The following PTPRM variants were observed in gnomAD, a reference collection of about 807,000 sequenced individuals.
The protein encoded by PTPRM is protein tyrosine phosphatase receptor type M, also known as receptor-type tyrosine-protein phosphatase mu.
PTPRM carries 47 observed loss-of-function variants against 186.7 expected under a neutral mutation model. That is an observed-to-expected ratio of 0.25 (90% CI 0.20 to 0.32). The LOEUF (loss-of-function observed/expected upper bound fraction) is 0.32, where lower values mean the gene tolerates loss of function less well. Among genes scored for constraint, PTPRM ranks in the 10% least tolerant of loss-of-function variants. PTPRM has a pLI of 1.00. For missense variants in PTPRM, 1,494 were observed against 1,865.0 expected, an observed-to-expected ratio of 0.80 and a Z score of 3.66; for synonymous variants, 668 against 674.9, an observed-to-expected ratio of 0.99 and a Z score of 0.16.
intron 3 of PTPRM, among the ~76,000 whole-genome samples, chr18:7,889,333 C>CTTTCTT (rs1555633913): frequency 1.4e-4 from 17 of 119,806 alleles, no homozygotes; most frequent in African/African-American, 4.6e-4. Flanking sequence ...TCTTTTCTTT[C>CTTTCTT]TTTTTTTTTT....
chr18:7,935,223 G>A (rs1215341414), intron 5 of PTPRM, among the ~76,000 whole-genome samples: 1 of 152,098 alleles, frequency 6.6e-6, no homozygotes, highest in Non-Finnish European at 1.5e-5. Flanking sequence ...AATGCATAAA[G>A]GAGGACTGTC....
At chr18:8,099,913 C>T (rs1407085995) in intron 11 of PTPRM, among the ~76,000 whole-genome samples, 3 of 152,164 alleles carry the variant, frequency 2.0e-5, no homozygotes, top group East Asian at 1.9e-4. Flanking sequence ...TAAAGATACC[C>T]GAGACTCGGT....
At chr18:7,680,951 C>A (rs2039467064) in intron 1 of PTPRM, among the ~76,000 whole-genome samples, 1 of 152,074 alleles carries the variant, frequency 6.6e-6, no homozygotes. Flanking sequence ...TTCCCATATT[C>A]TCTGGCAGCT....
At chr18:8,328,986 C>T (rs566071401) in intron 22 of PTPRM, among the ~76,000 whole-genome samples, 2 of 152,256 alleles carry the variant, frequency 1.3e-5, no homozygotes, top group East Asian at 3.9e-4. Context: ...AAAAATAGAG[C>T]ATGTCAGGTA....
intron 8 of PTPRM, among the ~76,000 whole-genome samples, chr18:8,072,460 A>G (rs2089542892): frequency 6.6e-6 from 1 of 152,178 alleles, no homozygotes; most frequent in African/African-American, 2.4e-5. Flanking sequence ...TTTTCCTAGC[A>G]CACTAGCGTT....
chr18:7,795,763 A>G (rs1187587854), intron 2 of PTPRM, among the ~76,000 whole-genome samples: 1 of 151,016 alleles, frequency 6.6e-6, no homozygotes, highest in Non-Finnish European at 1.5e-5. Context: ...AGTTTTGTTC[A>G]CCAAGATATT....
chr18:7,709,203 T>C (rs2040159893), intron 1 of PTPRM, among the ~76,000 whole-genome samples: 1 of 152,162 alleles, frequency 6.6e-6, no homozygotes, highest in East Asian at 1.9e-4. Flanking sequence ...TGAAATCATA[T>C]CAATTATCTT....
intron 2 of PTPRM, among the ~76,000 whole-genome samples, chr18:7,854,489 AACTCC>A (rs1356848551): frequency 6.6e-6 from 1 of 152,156 alleles, no homozygotes; most frequent in Non-Finnish European, 1.5e-5. Context: ...TTTTACTTGA[AACTCC>A]ATTACAGATG....
At chr18:8,009,270 T>C (rs909534618) in intron 7 of PTPRM, among the ~76,000 whole-genome samples, 2 of 152,018 alleles carry the variant, frequency 1.3e-5, no homozygotes, top group Admixed American at 1.3e-4. Context: ...GGCTAAAAGA[T>C]GAAGCTTCTG....
intron 1 of PTPRM, among the ~76,000 whole-genome samples, chr18:7,759,468 C>G (rs2041666464): frequency 6.6e-6 from 1 of 152,222 alleles, no homozygotes; most frequent in African/African-American, 2.4e-5. Flanking sequence ...ACTCCCTACT[C>G]TCTTGGTATA....
intron 2 of PTPRM, among the ~76,000 whole-genome samples, chr18:7,818,714 ACTCT>A (rs1296518431): frequency 6.6e-6 from 1 of 152,054 alleles, no homozygotes; most frequent in Non-Finnish European, 1.5e-5. Context: ...TCAGTAAAAC[ACTCT>A]CTCTGCAGGT....
intron 3 of PTPRM, among the ~76,000 whole-genome samples, chr18:7,889,724 A>T (rs914620521): frequency 5.6e-4 from 73 of 130,992 alleles, no homozygotes; most frequent in African/African-American, 2.4e-3. Context: ...CCCTCTGCAA[A>T]TGGGTCTCAG....
At chr18:8,097,141 T>C (rs1386667470) in intron 11 of PTPRM, among the ~76,000 whole-genome samples, 3 of 152,230 alleles carry the variant, frequency 2.0e-5, no homozygotes, top group Admixed American at 6.5e-5. Context: ...AGAACACCAG[T>C]GTACACAAAA....
At chr18:8,253,040 T>C (rs113731295) in intron 18 of PTPRM, among the ~76,000 whole-genome samples, 187 bp from the exon 19 acceptor site, 27 of 152,332 alleles carry the variant, frequency 1.8e-4, no homozygotes, top group African/African-American at 5.5e-4. Context: ...TTTCTGCGCA[T>C]TCTTATCAGT....
At chr18:7,679,590 G>A (rs1220992836) in intron 1 of PTPRM, among the ~76,000 whole-genome samples, 5 of 152,142 alleles carry the variant, frequency 3.3e-5, no homozygotes, top group Admixed American at 2.0e-4. Flanking sequence ...ACTTGAACCC[G>A]GGAGGCAGAG....
chr18:8,296,438 A>G lies in PTPRM; in HGVS notation c.2825A>G (p.Tyr942Cys), dbSNP rs1260773767. 1 of 1,607,100 alleles carries G rather than the reference A, an allele frequency of 6.2e-7. No homozygotes were observed. The highest frequency in any genetic ancestry group is 8.5e-7 in the Non-Finnish European group (1 of 1,173,682). Residue 942 changes from tyrosine to cysteine, a missense_variant, in exon 20 of 33, where the codon TAC becomes TGC. Physicochemically the swap from Tyr to Cys is radical, Grantham distance 194. Coordinates refer to ENST00000580170, the MANE Select transcript of PTPRM (RefSeq NM_001105244.2). ...GATGAGAACAGAATGAAGAACAGAT[A>G]CGGGAATATCATTGCATGTAAGTGT... Reference protein sequence around the residue: ...KKDENRMKNRYGNIIAYDHSR... With the variant: ...KKDENRMKNRCGNIIAYDHSR...
At chr18:7,655,699 C>T (rs1454775095) in intron 1 of PTPRM, among the ~76,000 whole-genome samples, 2 of 152,076 alleles carry the variant, frequency 1.3e-5, no homozygotes. Context: ...GAATATTACT[C>T]AATGCTAAGA....
At chr18:8,351,178 C>T (rs563129602) in intron 23 of PTPRM, among the ~76,000 whole-genome samples, 6 of 152,130 alleles carry the variant, frequency 3.9e-5, no homozygotes, top group African/African-American at 9.7e-5. Context: ...GAAGGAAACC[C>T]GACCTGATTA....
chr18:7,641,047 A>G (rs1225080006), intron 1 of PTPRM, among the ~76,000 whole-genome samples: 1 of 152,240 alleles, frequency 6.6e-6, no homozygotes, highest in East Asian at 1.9e-4. Context: ...ACTCCCAAGA[A>G]CATATAAACT....
Sources: gnomAD v4.1 joint callset for allele counts (sites outside exome capture counted in the v4.1 genomes callset) on GRCh38, gnomAD v4.1.1 for gene constraint, MANE v1.5 for transcripts, NCBI Gene and HGNC (gene_info 2026-07-23, HGNC 2026-07-21) for gene names.